The following ATP8B4 variants were observed in gnomAD, a reference collection of about 807,000 sequenced individuals.
ATP8B4 encodes the protein probable phospholipid-transporting ATPase IM.
A neutral mutation model predicts 145.6 loss-of-function variants in ATP8B4; 133 were observed. That is an observed-to-expected ratio of 0.91 (90% CI 0.79 to 1.05). ATP8B4 has a LOEUF of 1.05. ATP8B4 is among the 50% of genes least tolerant of loss of function. ATP8B4 has a pLI of 0.00. For synonymous variants in ATP8B4, 507 were observed against 492.9 expected, an observed-to-expected ratio of 1.03 and a Z score of -0.38; for missense variants, 1,458 against 1,425.2, an observed-to-expected ratio of 1.02 and a Z score of -0.37.
Position 49,912,607 on chromosome 15 carries a change from A to G in ATP8B4, c.2141+4327T>C, listed in dbSNP as rs189091681. The stretch of plus-strand genomic sequence containing the variant: ...ACCAAACATGTAAAGAAGAATTACT[A>G]TAAATTATCCTTAAGTATACCAAAA... On this transcript the variant is annotated intron_variant, in intron 20 of 27. Transcript: ENST00000284509. Among the ~76,000 whole-genome samples, 6 of 152,304 alleles carry G rather than the reference A, an allele frequency of 3.9e-5. No individual in the cohort carries two copies. The East Asian group carries it at 1.2e-3, about 29-fold the overall frequency.
At chr15:50,089,733 G>A (rs916567594) in intron 2 of ATP8B4, among the ~76,000 whole-genome samples, 2 of 151,706 alleles carry the variant, frequency 1.3e-5, no homozygotes, top group African/African-American at 4.8e-5. Flanking sequence ...GCGCGATCTT[G>A]AGAAACAGGA....
chr15:50,179,002 T>C (rs1283443454), intron 1 of ATP8B4, among the ~76,000 whole-genome samples: 1 of 151,478 alleles, frequency 6.6e-6, no homozygotes, highest in Non-Finnish European at 1.5e-5. Flanking sequence ...TAAAGGAGAG[T>C]TGAGATTTAC....
At chr15:49,948,380 T>C (rs995477324) in intron 14 of ATP8B4, among the ~76,000 whole-genome samples, 3 of 151,892 alleles carry the variant, frequency 2.0e-5, no homozygotes, top group Non-Finnish European at 4.4e-5. Flanking sequence ...ACCTGGCAGA[T>C]GGAGGTTGCA....
intron 6 of ATP8B4, among the ~76,000 whole-genome samples, chr15:50,021,191 C>T (rs946905808): frequency 5.3e-5 from 8 of 151,960 alleles, no homozygotes; most frequent in African/African-American, 1.9e-4. Flanking sequence ...TGTTTATGTC[C>T]TTCACTGCTA....
intron 2 of ATP8B4, among the ~76,000 whole-genome samples, chr15:50,104,558 C>T (rs1363395973): frequency 6.6e-6 from 1 of 151,722 alleles, no homozygotes; most frequent in African/African-American, 2.4e-5. Flanking sequence ...CAAGAAAGGC[C>T]ATAATCAAAA....
intron 14 of ATP8B4, among the ~76,000 whole-genome samples, chr15:49,938,794 A>C (rs1342142158): frequency 6.6e-6 from 1 of 152,102 alleles, no homozygotes; most frequent in African/African-American, 2.4e-5. Context: ...CCCATCAACC[A>C]CAGAATATAC....
chr15:50,087,975 C>T (rs2055330199), intron 2 of ATP8B4, among the ~76,000 whole-genome samples: 1 of 152,008 alleles, frequency 6.6e-6, no homozygotes, highest in African/African-American at 2.4e-5. Flanking sequence ...TTTTGGGATG[C>T]TTGGGGTATT....
At chr15:50,163,444 A>T (rs1278776144) in intron 1 of ATP8B4, among the ~76,000 whole-genome samples, 1 of 152,222 alleles carries the variant, frequency 6.6e-6, no homozygotes, top group East Asian at 1.9e-4. Context: ...TACCAGGCAG[A>T]TACACTTGTT....
intron 14 of ATP8B4, among the ~76,000 whole-genome samples, chr15:49,940,232 C>A (rs1156490914): frequency 6.6e-6 from 1 of 152,142 alleles, no homozygotes; most frequent in Admixed American, 6.5e-5. Flanking sequence ...AGAATGAAAT[C>A]ATGCCCTTTG....
chr15:50,088,355 A>C (rs1437478469), intron 2 of ATP8B4, among the ~76,000 whole-genome samples: 1 of 151,546 alleles, frequency 6.6e-6, no homozygotes, highest in African/African-American at 2.4e-5. Context: ...AAAAAAAAAA[A>C]CAAAAAACAA....
intron 2 of ATP8B4, among the ~76,000 whole-genome samples, chr15:50,080,172 C>T (rs886910602): frequency 2.0e-5 from 3 of 152,050 alleles, no homozygotes; most frequent in African/African-American, 4.8e-5. Context: ...TCATAAAATC[C>T]AATATAATTT....
intron 2 of ATP8B4, among the ~76,000 whole-genome samples, chr15:50,082,766 T>C (rs1308522394): frequency 4.6e-5 from 7 of 152,236 alleles, no homozygotes; most frequent in African/African-American, 9.6e-5. Context: ...CTAACATTAA[T>C]TGAGCACTTA....
chr15:50,037,701 C>T (rs750783934), intron 6 of ATP8B4, among the ~76,000 whole-genome samples: 1 of 152,208 alleles, frequency 6.6e-6, no homozygotes, highest in African/African-American at 2.4e-5. Flanking sequence ...GGTCCAGGCA[C>T]CTTTATGGCT....
At chr15:49,876,202 A>G (rs1219046205) in intron 25 of ATP8B4, 76 bp downstream of exon 25, 9 of 1,533,492 alleles carry the variant, frequency 5.9e-6, no homozygotes, top group East Asian at 2.3e-5. Flanking sequence ...CCCAACAAGT[A>G]GACAAAATCA....
intron 1 of ATP8B4, among the ~76,000 whole-genome samples, chr15:50,174,167 A>G (rs535468887): frequency 6.6e-6 from 1 of 152,212 alleles, no homozygotes; most frequent in Non-Finnish European, 1.5e-5. Context: ...GCCATCTATG[A>G]CAAACCCACA....
chr15:50,153,402 G>A (rs2044371009), intron 1 of ATP8B4, among the ~76,000 whole-genome samples: 1 of 149,714 alleles, frequency 6.7e-6, no homozygotes, highest in Non-Finnish European at 1.5e-5. Context: ...ACAGTGGCAC[G>A]ATCTCAGCTC....
chr15:50,181,295 A>G (rs2044843853), intron 1 of ATP8B4, among the ~76,000 whole-genome samples: 1 of 152,212 alleles, frequency 6.6e-6, no homozygotes, highest in Non-Finnish European at 1.5e-5. Context: ...AGTAGTGAGC[A>G]TTCACTTCGT....
At chr15:50,101,694 A>G (rs1263013965) in intron 2 of ATP8B4, among the ~76,000 whole-genome samples, 1 of 152,184 alleles carries the variant, frequency 6.6e-6, no homozygotes, top group Non-Finnish European at 1.5e-5. Flanking sequence ...CAAGACAGAA[A>G]GTCAACAAGG....
In ATP8B4 at chr15:50,033,201, G is replaced by T. The variant is rs368330004; in HGVS notation, c.362+5567C>A. Reference sequence around the variant, plus strand: ...AAATGAATAAGATTGATGGAAACAGGCCTATGAGAGCTTCAGAGATTTAAG... The same window carrying T: ...AAATGAATAAGATTGATGGAAACAGTCCTATGAGAGCTTCAGAGATTTAAG... On this transcript the variant is annotated intron_variant, in intron 6 of 27. Transcript: ENST00000284509. 3.9e-5 allele frequency among the ~76,000 whole-genome samples: 6 copies of T among 152,308 alleles called. No homozygotes were observed. In the East Asian group the frequency reaches 9.6e-4, roughly 24 times the overall value.
Sources: gnomAD v4.1 joint callset for allele counts (sites outside exome capture counted in the v4.1 genomes callset) on GRCh38, gnomAD v4.1.1 for gene constraint, MANE v1.5 for transcripts, NCBI Gene and HGNC (gene_info 2026-07-23, HGNC 2026-07-21) for gene names.